The following DUSP29 variants were observed in gnomAD, a reference collection of about 807,000 sequenced individuals.
The protein encoded by DUSP29 is dual specificity phosphatase 29.
In DUSP29, 12 loss-of-function variants were observed where a neutral mutation model predicts 13.5. The observed-to-expected ratio is 0.89, with a 90% CI of 0.57 to 1.44. The LOEUF is 1.44. DUSP29 is among the 40% of genes most tolerant of loss of function. The pLI, the probability that DUSP29 is intolerant of heterozygous loss-of-function variation, is 0.00. For synonymous variants in DUSP29, 134 were observed against 128.7 expected (o/e 1.04, Z -0.28); for missense variants, 308 against 301.1 (o/e 1.02, Z -0.17).
chr10:75,065,314 T>G (rs1847173030), intron 1 of DUSP29, among the ~76,000 whole-genome samples: 1 of 152,092 alleles, frequency 6.6e-6, no homozygotes, highest in South Asian at 2.1e-4. Context: ...AGAGATTGGC[T>G]AGGGAGCAAT....
At position 75,043,968 on chromosome 10, in the gene DUSP29, C is replaced by T. The variant is rs143238854; in HGVS notation, c.250G>A (p.Val84Met). The T allele has an allele frequency of 3.5e-4, 564 of 1,613,144 alleles. No homozygotes were observed. Among genetic ancestry groups the T allele is most frequent in the Non-Finnish European group, 4.6e-4 (539 of 1,179,920 alleles). ...CAGCGGCCGTGGGCCGCGTTCAGCA[C>T]GTGCGTGAACCCCGCCTTCTGCAGC... ...YRLQKAGFTH[V>M]LNAAHGRWNV... The change falls in exon 3 of 4, where the codon GTG becomes ATG. Residue 84 changes from valine to methionine, a missense_variant. Transcript: ENST00000338487.
At chr10:75,056,696 G>A (rs1042855174) in intron 2 of DUSP29, among the ~76,000 whole-genome samples, 3 of 151,894 alleles carry the variant, frequency 2.0e-5, no homozygotes, top group Admixed American at 2.0e-4. Flanking sequence ...CCCTTTATAT[G>A]TGTGTATATG....
intron 1 of DUSP29, among the ~76,000 whole-genome samples, chr10:75,071,610 T>C (rs756327722): frequency 1.3e-5 from 2 of 152,174 alleles, no homozygotes; most frequent in Non-Finnish European, 2.9e-5. Context: ...GGCTCTCTCC[T>C]CACCCTCAGC....
intron 1 of DUSP29, among the ~76,000 whole-genome samples, chr10:75,061,490 A>C (rs1400131436): frequency 6.6e-6 from 1 of 152,228 alleles, no homozygotes; most frequent in Non-Finnish European, 1.5e-5. Flanking sequence ...GCACTAACCA[A>C]AAATACAGAT....
intron 2 of DUSP29, among the ~76,000 whole-genome samples, chr10:75,051,336 G>A (rs1368078406): frequency 1.3e-5 from 2 of 152,184 alleles, no homozygotes; most frequent in African/African-American, 2.4e-5. Flanking sequence ...ACTGGGCACC[G>A]TGAGACATGT....
At chr10:75,044,655 G>T (rs781493732) in intron 2 of DUSP29, among the ~76,000 whole-genome samples, 7 of 152,210 alleles carry the variant, frequency 4.6e-5, no homozygotes, top group Admixed American at 1.3e-4. Flanking sequence ...CTTGAAGCCA[G>T]CAGTGAAGTT....
At chr10:75,046,002 G>C (rs939754759) in intron 2 of DUSP29, among the ~76,000 whole-genome samples, 1 of 152,104 alleles carries the variant, frequency 6.6e-6, no homozygotes, top group African/African-American at 2.4e-5. Context: ...TGTAGTCCCA[G>C]CTACTGGGGA....
intron 1 of DUSP29, among the ~76,000 whole-genome samples, chr10:75,066,459 C>T (rs1847203237): frequency 6.6e-6 from 1 of 152,104 alleles, no homozygotes; most frequent in Non-Finnish European, 1.5e-5. Flanking sequence ...GATACAGAAC[C>T]ATCCCCTTCT....
chr10:75,066,931 A>C (rs1409899567), intron 1 of DUSP29, among the ~76,000 whole-genome samples: 2 of 150,476 alleles, frequency 1.3e-5, no homozygotes, highest in Non-Finnish European at 2.9e-5. Flanking sequence ...AAGCTTATTC[A>C]ATTTCTTTTT....
At chr10:75,039,793 A>G (rs1051425809) in intron 3 of DUSP29, among the ~76,000 whole-genome samples, 2 of 152,104 alleles carry the variant, frequency 1.3e-5, no homozygotes, top group Non-Finnish European at 2.9e-5. Context: ...TCTTCCCAAG[A>G]GGTTCTAGGT....
In DUSP29 at chr10:75,037,904, G is replaced by A. The variant is rs1846497786; in HGVS notation, c.595C>T (p.Gln199Ter). Residue 199 changes from glutamine (Q) to a stop codon, truncating the protein, a stop_gained, in exon 4 of 4, where the codon CAG becomes TAG. Coordinates refer to ENST00000338487, the MANE Select transcript of DUSP29 (RefSeq NM_001003892.3). LOFTEE classifies it low-confidence loss of function (END_TRUNC). ...FLKQLRELDK[Q>*]LVQQRRRSQR... ...GACCGTCGCCTCTGCTGCACCAGCT[G>A]CTTGTCCAGCTCCCGGAGCTGCTTC... The A allele has an allele frequency of 1.2e-6, 2 of 1,613,680 alleles. No homozygotes were observed.
At position 75,063,077 on chromosome 10, in the gene DUSP29, A is replaced by C. The variant is rs982808133; in HGVS notation, c.-34-4529T>G. ...AGGTTGGGTGTTAAAAAGTAAACAA[A>C]CAAAAACCTGGCTGTTGGCCTCAGG... On this transcript the variant is annotated intron_variant, in intron 1 of 3. Transcript: ENST00000338487. Among the ~76,000 whole-genome samples the C allele has an allele frequency of 1.8e-4, 28 of 152,258 alleles. 1 individual carries two copies. The highest frequency in any genetic ancestry group is 6.7e-4 in the African/African-American group (28 of 41,550).
At position 75,058,523 on chromosome 10, in the gene DUSP29, C is replaced by T. The variant is rs1847018586; in HGVS notation, c.-9G>A. On this transcript the variant is annotated 5_prime_UTR_variant, in exon 2 of 4. It introduces an in-frame stop codon into an upstream open reading frame of the 5' UTR. Coordinates refer to ENST00000338487, the MANE Select transcript of DUSP29 (RefSeq NM_001003892.3). The stretch of plus-strand genomic sequence containing the variant: ...ACTTCTCCAGATGTCATTTTAGAGC[C>T]AAGGGATTTTCTCTCCTTTCTGCAG... 2 of 1,613,720 alleles carry T rather than the reference C, an allele frequency of 1.2e-6. No individual in the cohort carries two copies. Among genetic ancestry groups the T allele is most frequent in the East Asian group, 2.2e-5 (1 of 44,890 alleles).
In DUSP29 at chr10:75,046,487, G is replaced by A. The variant is rs1324362921; in HGVS notation, c.201-2470C>T. Among the ~76,000 whole-genome samples, 5 of 152,380 alleles carry A rather than the reference G, an allele frequency of 3.3e-5. No homozygotes were observed. In the East Asian group the frequency reaches 9.6e-4, roughly 29 times the overall value. On this transcript the variant is annotated intron_variant, in intron 2 of 3. Transcript: ENST00000338487. ...GCCTCACACCAGAAATATATGCCAT[G>A]GCCCCTCGGCCAAGGGTGCGCTTGT...
chr10:75,051,180 C>T (rs76773361), intron 2 of DUSP29, among the ~76,000 whole-genome samples: 1,710 of 152,224 alleles, frequency 0.011, 24 homozygotes, highest in Middle Eastern at 0.034. Flanking sequence ...AAATCTGACC[C>T]AGGGTTGTTT....
intron 1 of DUSP29, among the ~76,000 whole-genome samples, chr10:75,065,518 AG>A (rs1355315301): frequency 1.3e-5 from 2 of 152,052 alleles, no homozygotes; most frequent in African/African-American, 4.8e-5. Flanking sequence ...TAGTAAAGAC[AG>A]GGTTTCACCA....
chr10:75,059,717 G>T (rs1470159685), intron 1 of DUSP29, among the ~76,000 whole-genome samples: 1 of 152,104 alleles, frequency 6.6e-6, no homozygotes, highest in African/African-American at 2.4e-5. Flanking sequence ...GTAGGAAAGG[G>T]TTCATGGCTT....
At chr10:75,060,352 C>T (rs1335293799) in intron 1 of DUSP29, among the ~76,000 whole-genome samples, 1 of 151,790 alleles carries the variant, frequency 6.6e-6, no homozygotes, top group Non-Finnish European at 1.5e-5. Flanking sequence ...TGCCTGTAGT[C>T]CCAGCTACTC....
At chr10:75,059,561 G>C (rs1356185913) in intron 1 of DUSP29, among the ~76,000 whole-genome samples, 1 of 152,134 alleles carries the variant, frequency 6.6e-6, no homozygotes, top group Non-Finnish European at 1.5e-5. Flanking sequence ...ACTGAGATAG[G>C]GTTATCCTAA....
Sources: gnomAD v4.1 joint callset for allele counts (sites outside exome capture counted in the v4.1 genomes callset) on GRCh38, gnomAD v4.1.1 for gene constraint, MANE v1.5 for transcripts, NCBI Gene and HGNC (gene_info 2026-07-23, HGNC 2026-07-21) for gene names.